The following PTPRK variants were observed in gnomAD, a reference collection of about 807,000 sequenced individuals.
PTPRK encodes protein tyrosine phosphatase receptor type K.
Under a neutral mutation model 178.0 loss-of-function variants are expected in PTPRK, and 75 were observed. The ratio of observed to expected loss-of-function variants is 0.42; its 90% confidence interval spans 0.35 to 0.51. The LOEUF is 0.51. Ranked by LOEUF, PTPRK falls within the 20% of genes least tolerant of loss-of-function variation. The probability of loss-of-function intolerance (pLI) is 0.02; values close to 1 mark genes in which losing one functional copy is unlikely to be tolerated. For missense variants in PTPRK, 1,441 were observed against 1,797.8 expected (o/e 0.80, Z 3.59); for synonymous variants, 637 against 620.6 (o/e 1.03, Z -0.39).
At position 128,407,653 on chromosome 6, in the gene PTPRK, A is replaced by AAAAG. The variant is rs1554255913; in HGVS notation, c.101-9966_101-9965insCTTT. Among the ~76,000 whole-genome samples, 587 of 147,542 alleles carry AAAAG rather than the reference A, an allele frequency of 4.0e-3. 6 individuals are homozygous for AAAAG. The highest frequency in any genetic ancestry group is 0.012 in the African/African-American group (460 of 39,912). On this transcript the variant is annotated intron_variant, in intron 1 of 29. Transcript: ENST00000368226. ...CCTATCAAAAAAAAAAAAAAAAAAA[A>AAAAG]AAGAAGAAGAAGAAGAAGAAGAAAG...
chr6:128,109,177 C>A (rs935785290), intron 7 of PTPRK, among the ~76,000 whole-genome samples: 1 of 152,000 alleles, frequency 6.6e-6, no homozygotes, highest in Admixed American at 6.6e-5. Context: ...TGCAAATGAA[C>A]AGCCTCATCA....
chr6:128,221,278 A>G (rs1452869670), intron 5 of PTPRK, among the ~76,000 whole-genome samples: 2 of 150,766 alleles, frequency 1.3e-5, no homozygotes, highest in African/African-American at 4.9e-5. Context: ...TAATCCCAGC[A>G]CTTTGTGAGG....
At chr6:128,244,729 G>C (rs1583668021) in intron 3 of PTPRK, among the ~76,000 whole-genome samples, 1 of 152,186 alleles carries the variant, frequency 6.6e-6, no homozygotes, top group African/African-American at 2.4e-5. Flanking sequence ...GCTTAGTACA[G>C]ACTGAAAACC....
intron 7 of PTPRK, among the ~76,000 whole-genome samples, chr6:128,141,707 T>A (rs1217336150): frequency 1.3e-5 from 2 of 151,968 alleles, no homozygotes; most frequent in Admixed American, 6.6e-5. Context: ...TTAACTCAAT[T>A]TTGATAGCAA....
At chr6:128,217,973 T>C (rs1203130607) in intron 6 of PTPRK, among the ~76,000 whole-genome samples, 1 of 152,200 alleles carries the variant, frequency 6.6e-6, no homozygotes, top group Admixed American at 6.5e-5. Context: ...ACGGAGCTGC[T>C]TTACCTCTAG....
rs923626537 is a variant in PTPRK at position 128,361,798 on chromosome 6, A to T, written c.223+35768T>A. On this transcript the variant is annotated intron_variant, in intron 2 of 29. Coordinates refer to ENST00000368226, the MANE Select transcript of PTPRK (RefSeq NM_002844.4). ...GCAGTCTATCATTGACCAAAACATC[A>T]TTATGTGGCAAATGACTACATTTAA... Among the ~76,000 whole-genome samples the T allele has an allele frequency of 6.6e-5, 10 of 152,320 alleles. No homozygotes were observed. In the South Asian group the frequency reaches 1.9e-3, roughly 28 times the overall value.
intron 6 of PTPRK, among the ~76,000 whole-genome samples, chr6:128,194,321 C>G (rs186021118): frequency 9.9e-5 from 15 of 151,908 alleles, no homozygotes; most frequent in African/African-American, 3.6e-4. Context: ...CTCCTGACCT[C>G]GTGATCCACC....
chr6:128,416,971 AG>A (rs1842926007), intron 1 of PTPRK, among the ~76,000 whole-genome samples: 1 of 148,442 alleles, frequency 6.7e-6, no homozygotes, highest in African/African-American at 2.4e-5. Context: ...AAAATTATAT[AG>A]ATATAATAAT....
chr6:128,307,824 T>C (rs1826655527), intron 3 of PTPRK, among the ~76,000 whole-genome samples: 1 of 152,202 alleles, frequency 6.6e-6, no homozygotes, highest in Non-Finnish European at 1.5e-5. Flanking sequence ...ACTCAGCATA[T>C]GCATCAATAG....
At chr6:128,370,346 C>T (rs1038730525) in intron 2 of PTPRK, among the ~76,000 whole-genome samples, 1 of 152,050 alleles carries the variant, frequency 6.6e-6, no homozygotes, top group Non-Finnish European at 1.5e-5. Context: ...AAATTAGTTG[C>T]TCACAGCTAC....
At chr6:128,367,883 C>T (rs369085592) in intron 2 of PTPRK, among the ~76,000 whole-genome samples, 18 of 152,118 alleles carry the variant, frequency 1.2e-4, no homozygotes, top group African/African-American at 2.6e-4. Flanking sequence ...TTTGAGAGAG[C>T]CTTCGGGAAA....
chr6:128,004,939 A>G, intron 15 of PTPRK, 145 bp downstream of exon 15: 1 of 687,388 alleles, frequency 1.5e-6, no homozygotes. Context: ...TGTAAATTCC[A>G]TAATATTCTC....
chr6:128,292,669 T>C (rs1823587032), intron 3 of PTPRK, among the ~76,000 whole-genome samples: 2 of 152,118 alleles, frequency 1.3e-5, no homozygotes, highest in Non-Finnish European at 2.9e-5. Flanking sequence ...ATGCAGTTCA[T>C]AGGGCATCCG....
intron 22 of PTPRK, 112 bp downstream of exon 22, chr6:127,985,609 A>G (rs1775873023): frequency 1.2e-5 from 15 of 1,237,262 alleles, no homozygotes; most frequent in Non-Finnish European, 1.6e-5. Context: ...CTATAATACA[A>G]GCAAGCTGGA....
intron 7 of PTPRK, among the ~76,000 whole-genome samples, chr6:128,127,991 T>A (rs1024977289): frequency 1.3e-5 from 2 of 152,180 alleles, no homozygotes; most frequent in African/African-American, 4.8e-5. Flanking sequence ...ATAAGGATTT[T>A]CCAGACACCA....
chr6:128,209,878 T>C (rs988113859), intron 6 of PTPRK, among the ~76,000 whole-genome samples: 1 of 152,090 alleles, frequency 6.6e-6, no homozygotes, highest in East Asian at 1.9e-4. Flanking sequence ...TATGAAGGAC[T>C]GAAGGGGGTG....
At chr6:128,087,248 C>A (rs1786035423) in intron 8 of PTPRK, among the ~76,000 whole-genome samples, 1 of 152,014 alleles carries the variant, frequency 6.6e-6, no homozygotes, top group Admixed American at 6.6e-5. Flanking sequence ...AAAATGAATT[C>A]TATTACTAGA....
In PTPRK at chr6:128,240,567, A is replaced by G. The variant is rs569888079; in HGVS notation, c.578-417T>C. On this transcript the variant is annotated intron_variant, in intron 4 of 29. Transcript: ENST00000368226. ...GAAAACATATAATGATTTCTAAACTACTGGCAGTGACACGGCCATTGAACT... is the reference window on the plus strand; with the variant it reads ...GAAAACATATAATGATTTCTAAACTGCTGGCAGTGACACGGCCATTGAACT... Among the ~76,000 whole-genome samples, 5 of 152,318 alleles carry G rather than the reference A, an allele frequency of 3.3e-5. No homozygotes were observed. The East Asian group carries it at 9.7e-4, about 29-fold the overall frequency.
At position 128,089,980 on chromosome 6, in the gene PTPRK, G is replaced by C. The variant is rs767680641; in HGVS notation, c.1175C>G (p.Thr392Ser). The change falls in exon 8 of 30, where the codon ACC (threonine) becomes AGC (serine). Residue 392 changes from threonine to serine, a missense_variant. Coordinates refer to ENST00000368226, the MANE Select transcript of PTPRK (RefSeq NM_002844.4). ...TTCAGCAATCTTTAATGTCTTTGGG[G>C]TTCTCATAGGTTCTGAAAAATAAAT... ...TRTKCAEPMRTPKTLKIAEIQ... is the reference protein window; with the variant it reads ...TRTKCAEPMRSPKTLKIAEIQ... The C allele has an allele frequency of 1.3e-6, 2 of 1,598,516 alleles. No individual in the cohort carries two copies. The highest frequency in any genetic ancestry group is 8.6e-7 in the Non-Finnish European group (1 of 1,166,188).
Sources: gnomAD v4.1 joint callset for allele counts (sites outside exome capture counted in the v4.1 genomes callset) on GRCh38, gnomAD v4.1.1 for gene constraint, MANE v1.5 for transcripts, NCBI Gene and HGNC (gene_info 2026-07-23, HGNC 2026-07-21) for gene names.